The following ADD3 variants were observed in gnomAD, a reference collection of about 807,000 sequenced individuals.
ADD3 encodes the protein gamma-adducin.
A neutral mutation model predicts 80.2 loss-of-function variants in ADD3; 25 were observed. The observed-to-expected ratio is 0.31, with a 90% CI of 0.23 to 0.44. The LOEUF (loss-of-function observed/expected upper bound fraction) is 0.44. Ranked by LOEUF, ADD3 falls within the 20% of genes least tolerant of loss-of-function variation. ADD3 has a pLI of 1.00. For missense variants in ADD3, 829 were observed against 847.5 expected, an observed-to-expected ratio of 0.98 and a Z score of 0.27; for synonymous variants, 284 against 289.6, an observed-to-expected ratio of 0.98 and a Z score of 0.20.
At chr10:110,113,012 T>A in intron 3 of ADD3, 97 bp downstream of exon 3, 2 of 1,313,800 alleles carry the variant, frequency 1.5e-6, no homozygotes, top group Non-Finnish European at 2.1e-6. Flanking sequence ...GTTCAGTCCT[T>A]AAGTTTATAA....
chr10:110,054,497 A>T (rs1202744241), intron 1 of ADD3, among the ~76,000 whole-genome samples: 1 of 147,570 alleles, frequency 6.8e-6, no homozygotes, highest in Admixed American at 6.8e-5. Context: ...GCTGGAGTGC[A>T]ATGGCGCGAT....
At chr10:110,108,993 C>T (rs1564993245) in intron 2 of ADD3, among the ~76,000 whole-genome samples, 1 of 152,160 alleles carries the variant, frequency 6.6e-6, no homozygotes, top group Non-Finnish European at 1.5e-5. Flanking sequence ...CTCTATGACA[C>T]CATAGCTATC....
At chr10:110,133,271 G>A in intron 14 of ADD3, 55 bp from the exon 15 acceptor site, 2 of 1,504,582 alleles carry the variant, frequency 1.3e-6, no homozygotes, top group African/African-American at 1.4e-5. Context: ...TTGTAAAGTA[G>A]AGCAAAAATG....
At chr10:110,124,308 A>G in intron 10 of ADD3, 34 bp downstream of exon 10, 3 of 1,598,346 alleles carry the variant, frequency 1.9e-6, no homozygotes, top group South Asian at 1.1e-5. Flanking sequence ...TGCCTTTACT[A>G]AATATTTTGC....
intron 1 of ADD3, among the ~76,000 whole-genome samples, chr10:110,060,892 T>C (rs773971745): frequency 6.6e-6 from 1 of 152,200 alleles, no homozygotes; most frequent in South Asian, 2.1e-4. Flanking sequence ...TTTTATAGAG[T>C]AGAAAGAGTA....
chr10:110,102,343 C>A (rs540336911), intron 2 of ADD3, among the ~76,000 whole-genome samples: 1 of 152,138 alleles, frequency 6.6e-6, no homozygotes, highest in Admixed American at 6.5e-5. Context: ...TGGTGGCTCA[C>A]GCCTGTTGTA....
chr10:110,006,854 G>C (rs570132403), upstream of ADD3, among the ~76,000 whole-genome samples: 2 of 152,138 alleles, frequency 1.3e-5, no homozygotes, highest in African/African-American at 4.8e-5. Context: ...CCTTGGAAAC[G>C]AAGGGGGATA....
chr10:110,090,553 A>G (rs1847373928), intron 1 of ADD3, among the ~76,000 whole-genome samples: 1 of 152,130 alleles, frequency 6.6e-6, no homozygotes, highest in Non-Finnish European at 1.5e-5. Flanking sequence ...ACTGTTCTGC[A>G]CCTACATTAT....
At position 110,008,122 on chromosome 10, in the gene ADD3, A is replaced by T. The variant is rs1475262000; in HGVS notation, c.-207A>T. On this transcript the variant is annotated 5_prime_UTR_variant, in exon 1 of 15. Coordinates refer to ENST00000356080, the MANE Select transcript of ADD3 (RefSeq NM_016824.5). Reference sequence around the variant, plus strand: ...CCCAGGTGTCGCCGCTTCCTGCTGCACAGGGCTCGGCGTACAGGTCCCTCC... The same window carrying T: ...CCCAGGTGTCGCCGCTTCCTGCTGCTCAGGGCTCGGCGTACAGGTCCCTCC... The T allele has an allele frequency of 3.3e-5, 5 of 152,344 alleles. No homozygotes were observed. The highest frequency in any genetic ancestry group is 1.2e-4 in the African/African-American group (5 of 41,444). 9.4% of individuals were successfully genotyped at this position (152,344 alleles called of 1,614,324 possible).
chr10:110,019,395 C>G (rs1853392392), intron 1 of ADD3, among the ~76,000 whole-genome samples: 1 of 148,320 alleles, frequency 6.7e-6, no homozygotes, highest in Non-Finnish European at 1.5e-5. Flanking sequence ...TGCTCTGTTG[C>G]CCAGGCTGGA....
At chr10:110,045,815 A>T (rs919071123) in intron 1 of ADD3, among the ~76,000 whole-genome samples, 6 of 152,234 alleles carry the variant, frequency 3.9e-5, no homozygotes, top group Non-Finnish European at 8.8e-5. Context: ...TCATAGCTGC[A>T]TATAATTAAC....
At chr10:110,092,218 G>A (rs192032317) in intron 1 of ADD3, among the ~76,000 whole-genome samples, 15 of 152,268 alleles carry the variant, frequency 9.9e-5, no homozygotes, top group Admixed American at 9.8e-4. Context: ...TTTACTGGGT[G>A]TATACCCAAA....
chr10:110,002,119 T>C (rs112124752), upstream of ADD3, among the ~76,000 whole-genome samples: 13,504 of 151,960 alleles, frequency 0.089, 1,916 homozygotes, highest in African/African-American at 0.31. Flanking sequence ...TGGTGAAACC[T>C]CGTTTCTACT....
At chr10:110,104,164 C>G (rs1849158688) in intron 2 of ADD3, among the ~76,000 whole-genome samples, 2 of 152,184 alleles carry the variant, frequency 1.3e-5, no homozygotes, top group Non-Finnish European at 2.9e-5. Flanking sequence ...CTACAGACAT[C>G]CCTCTTCAAA....
chr10:110,011,473 A>T (rs760854110), intron 1 of ADD3, among the ~76,000 whole-genome samples: 1 of 152,214 alleles, frequency 6.6e-6, no homozygotes, highest in Non-Finnish European at 1.5e-5. Flanking sequence ...GTGCAATGTA[A>T]TGTTAGGAAA....
intron 14 of ADD3, 46 bp downstream of exon 14, chr10:110,132,446 A>G: frequency 1.5e-6 from 2 of 1,303,750 alleles, no homozygotes; most frequent in South Asian, 2.4e-5. Flanking sequence ...GTTAGTCTTG[A>G]GTCTGTCCCT....
intron 10 of ADD3, among the ~76,000 whole-genome samples, chr10:110,125,124 T>G (rs1851983523): frequency 6.6e-6 from 1 of 152,214 alleles, no homozygotes; most frequent in African/African-American, 2.4e-5. Context: ...TTTTCTGTAG[T>G]CTATAAGATT....
At chr10:110,108,239 T>A (rs1451862405) in intron 2 of ADD3, among the ~76,000 whole-genome samples, 1 of 152,166 alleles carries the variant, frequency 6.6e-6, no homozygotes, top group African/African-American at 2.4e-5. Context: ...TATATATATA[T>A]ATTTTTGCTT....
chr10:110,029,866 T>C (rs1854779895), intron 1 of ADD3, among the ~76,000 whole-genome samples: 1 of 152,210 alleles, frequency 6.6e-6, no homozygotes, highest in South Asian at 2.1e-4. Flanking sequence ...AAATCAGATA[T>C]AAAGAATTTT....
Sources: allele counts gnomAD v4.1 joint callset (sites outside exome capture counted in the v4.1 genomes callset), GRCh38; gene constraint gnomAD v4.1.1; transcripts MANE v1.5; gene names NCBI Gene and HGNC (gene_info 2026-07-23, HGNC 2026-07-21).